The following GALNT14 variants were observed in gnomAD, a reference collection of about 807,000 sequenced individuals.
GALNT14 encodes UDP-GalNAc:polypeptide N-acetylgalactosaminyltransferase 14.
In GALNT14, 60 loss-of-function variants were observed where a neutral mutation model predicts 77.5. That is an observed-to-expected ratio of 0.77 (90% confidence interval 0.63 to 0.96). GALNT14 has a LOEUF of 0.96. Ranked by LOEUF, GALNT14 falls within the 40% of genes least tolerant of loss-of-function variation. GALNT14 has a pLI of 0.00. For missense variants in GALNT14, 710 were observed against 731.0 expected, an observed-to-expected ratio of 0.97 and a Z score of 0.33; for synonymous variants, 280 against 281.7, an observed-to-expected ratio of 0.99 and a Z score of 0.06.
chr2:30,979,197 G>A (rs972733417), intron 2 of GALNT14, among the ~76,000 whole-genome samples: 2 of 152,188 alleles, frequency 1.3e-5, no homozygotes, highest in African/African-American at 4.8e-5. Context: ...AGGGCCTGCC[G>A]CAGTCACCCA....
At chr2:31,072,753 C>G (rs1487323417) in intron 1 of GALNT14, among the ~76,000 whole-genome samples, 1 of 152,140 alleles carries the variant, frequency 6.6e-6, no homozygotes, top group Non-Finnish European at 1.5e-5. Flanking sequence ...GGGCACCAAG[C>G]AGAGATGTGC....
At chr2:30,987,946 T>C (rs1486146011) in intron 2 of GALNT14, among the ~76,000 whole-genome samples, 2 of 152,190 alleles carry the variant, frequency 1.3e-5, no homozygotes, top group Admixed American at 6.5e-5. Context: ...CCCTCCCACA[T>C]GCGGTTTCTT....
chr2:30,917,076 C>CAAAAAAAAAAAAAAAAAAAAAAAAAA (rs529653696), intron 13 of GALNT14, among the ~76,000 whole-genome samples: 1 of 19,892 alleles, frequency 5.0e-5, no homozygotes, highest in Non-Finnish European at 9.3e-5. Context: ...GACTCCGTCT[C>CAAAAAAAAAAAAAAAAAAAAAAAAAA]AAAAAAAAAA....
intron 2 of GALNT14, among the ~76,000 whole-genome samples, chr2:30,978,848 T>C (rs542015522): frequency 6.6e-6 from 1 of 152,256 alleles, no homozygotes; most frequent in South Asian, 2.1e-4. Flanking sequence ...TGATAGACAG[T>C]AAGCTGATGT....
chr2:31,044,977 C>T (rs562749861), intron 1 of GALNT14, among the ~76,000 whole-genome samples: 22 of 151,634 alleles, frequency 1.5e-4, no homozygotes, highest in Non-Finnish European at 2.8e-4. Context: ...AAACCAGCTA[C>T]GTTCACAGGA....
At chr2:31,098,687 A>G (rs894278084) in intron 1 of GALNT14, among the ~76,000 whole-genome samples, 2 of 152,046 alleles carry the variant, frequency 1.3e-5, no homozygotes, top group Admixed American at 6.6e-5. Flanking sequence ...ATCTGCACAT[A>G]ACTTTTGACA....
At chr2:30,904,545 G>A in the GALNT14 span, among the ~76,000 whole-genome samples, 1 of 152,230 alleles carries the variant, frequency 6.6e-6, no homozygotes, top group African/African-American at 2.4e-5. Flanking sequence ...TCCCACACCT[G>A]GCTTGGAGGG....
chr2:30,889,709 C>G, the GALNT14 span, among the ~76,000 whole-genome samples: 3 of 152,310 alleles, frequency 2.0e-5, no homozygotes, highest in East Asian at 5.8e-4. Context: ...CTGCACAGAA[C>G]AAATAATCTC....
In GALNT14 at chr2:31,027,000, CT is replaced by C. The variant is rs372630084; in HGVS notation, c.130-33994del. On this transcript the variant is annotated intron_variant, in intron 1 of 14. Transcript: ENST00000349752. Reference sequence around the variant, plus strand: ...CCTTTTTTACCTGTAATGCTTTCTCCTTCTGTCTCATGCCTTTAAAAGGTAA... The same window carrying C: ...CCTTTTTTACCTGTAATGCTTTCTCCTCTGTCTCATGCCTTTAAAAGGTAA... Among the ~76,000 whole-genome samples the C allele has an allele frequency of 9.8e-4, 149 of 152,328 alleles. 3 individuals are homozygous for C. The South Asian group carries it at 0.02, about 21-fold the overall frequency.
At chr2:30,925,838 A>C (rs1665338089) in intron 11 of GALNT14, among the ~76,000 whole-genome samples, 1 of 152,112 alleles carries the variant, frequency 6.6e-6, no homozygotes, top group Admixed American at 6.5e-5. Context: ...CTGGTCCACA[A>C]ATGGGTCTGA....
chr2:31,001,090 T>A (rs1367350024), intron 1 of GALNT14, among the ~76,000 whole-genome samples: 1 of 152,164 alleles, frequency 6.6e-6, no homozygotes, highest in African/African-American at 2.4e-5. Context: ...TGTGGGGCCC[T>A]GGAGTTCTCG....
chr2:31,133,100 G>A (rs184287981), intron 1 of GALNT14, among the ~76,000 whole-genome samples: 1,636 of 151,404 alleles, frequency 0.011, 19 homozygotes, highest in South Asian at 0.043. Context: ...CCCCCTACCC[G>A]CCAGATTATC....
intron 3 of GALNT14, among the ~76,000 whole-genome samples, chr2:30,961,179 A>T (rs549467529): frequency 9.1e-4 from 139 of 152,234 alleles, no homozygotes; most frequent in African/African-American, 3.1e-3. Context: ...CTGTAATTAC[A>T]TTTTCCTTGT....
chr2:30,910,790 C>T lies in GALNT14; in HGVS notation c.*111G>A. 1 of 1,223,992 alleles carries T rather than the reference C, an allele frequency of 8.2e-7. No individual in the cohort carries two copies. The highest frequency in any genetic ancestry group is 1.1e-6 in the Non-Finnish European group (1 of 876,878). The allele number at this position is 1,223,992 out of a possible 1,614,324, so 75.8% of individuals were successfully genotyped here. On this transcript the variant is annotated 3_prime_UTR_variant, in exon 15 of 15. Transcript: ENST00000349752. Reference sequence around the variant, plus strand: ...GTCCTGGGGGGCTCTGCCTCCACCTCCCAGTCCAGGATGTCTGAGGTGGTT... The same window carrying T: ...GTCCTGGGGGGCTCTGCCTCCACCTTCCAGTCCAGGATGTCTGAGGTGGTT...
chr2:31,116,744 C>A (rs1404672182), intron 1 of GALNT14, among the ~76,000 whole-genome samples: 7 of 151,908 alleles, frequency 4.6e-5, no homozygotes, highest in Non-Finnish European at 1.0e-4. Context: ...ACTATATAAC[C>A]ATCAAATAAA....
chr2:30,927,608 G>A (rs1163742218), intron 11 of GALNT14, among the ~76,000 whole-genome samples: 1 of 152,244 alleles, frequency 6.6e-6, no homozygotes, highest in African/African-American at 2.4e-5. Context: ...TTTGAGACAA[G>A]AGACAGAGAA....
At chr2:31,002,113 G>A (rs1052177504) in intron 1 of GALNT14, among the ~76,000 whole-genome samples, 13 of 152,100 alleles carry the variant, frequency 8.5e-5, no homozygotes, top group African/African-American at 3.1e-4. Flanking sequence ...AAGAAACAAA[G>A]GGGCTTCTTC....
intron 1 of GALNT14, among the ~76,000 whole-genome samples, chr2:31,038,084 A>ATTTTTTTTTTTTTT (rs1196402402): frequency 3.8e-5 from 2 of 52,664 alleles, no homozygotes; most frequent in Non-Finnish European, 6.5e-5. Context: ...ATATATATAT[A>ATTTTTTTTTTTTTT]TTTTTTTTTT....
At chr2:31,025,383 A>G (rs1671976535) in intron 1 of GALNT14, among the ~76,000 whole-genome samples, 1 of 151,868 alleles carries the variant, frequency 6.6e-6, no homozygotes, top group Admixed American at 6.6e-5. Flanking sequence ...CATCACCAAC[A>G]CTCCATATTA....
Sources: gnomAD v4.1 joint callset for allele counts (sites outside exome capture counted in the v4.1 genomes callset) on GRCh38, gnomAD v4.1.1 for gene constraint, MANE v1.5 for transcripts, NCBI Gene and HGNC (gene_info 2026-07-23, HGNC 2026-07-21) for gene names.